Variants in NTM observed in about 807,000 individuals in gnomAD.
NTM encodes the protein neurotrimin, also known as IgLON family member 2.
A neutral mutation model predicts 42.1 loss-of-function variants in NTM; 13 were observed. The ratio of observed to expected loss-of-function variants is 0.31; its 90% CI spans 0.20 to 0.49. The LOEUF is 0.49. Ranked by LOEUF, NTM falls within the 20% of genes least tolerant of loss-of-function variation. The pLI is 0.99. For missense variants in NTM, 373 were observed against 452.8 expected (o/e 0.82, Z 1.60); for synonymous variants, 187 against 179.2 (o/e 1.04, Z -0.35).
chr11:131,915,896 T>C (rs111904961), intron 2 of NTM, among the ~76,000 whole-genome samples: 22 of 152,232 alleles, frequency 1.4e-4, no homozygotes, highest in African/African-American at 5.1e-4. Flanking sequence ...CCACAACACA[T>C]AGGAATTATG....
At chr11:131,699,340 T>G (rs1258192363) in intron 1 of NTM, among the ~76,000 whole-genome samples, 2 of 152,214 alleles carry the variant, frequency 1.3e-5, no homozygotes, top group African/African-American at 2.4e-5. Flanking sequence ...TAAAGAAAAC[T>G]ATCTCTGATA....
chr11:131,440,770 T>C (rs1362559308), intron 1 of NTM, among the ~76,000 whole-genome samples: 1 of 132,242 alleles, frequency 7.6e-6, no homozygotes, highest in Non-Finnish European at 1.5e-5. Flanking sequence ...ATACAGACTT[T>C]CAACAGTTGT....
At chr11:131,645,217 G>A (rs1327743853) in intron 1 of NTM, among the ~76,000 whole-genome samples, 6 of 152,204 alleles carry the variant, frequency 3.9e-5, no homozygotes, top group Admixed American at 3.3e-4. Flanking sequence ...AAGGTGATAA[G>A]AAAGCAGCAG....
chr11:132,062,985 C>T (rs2080913133), intron 2 of NTM, among the ~76,000 whole-genome samples: 2 of 152,046 alleles, frequency 1.3e-5, no homozygotes, highest in African/African-American at 2.4e-5. Flanking sequence ...TTTTTGGGCT[C>T]CTAGAGCAAA....
intron 1 of NTM, among the ~76,000 whole-genome samples, chr11:131,547,484 C>T (rs1435163508): frequency 3.3e-5 from 5 of 152,088 alleles, no homozygotes; most frequent in South Asian, 2.1e-4. Context: ...AGGCGCTAAC[C>T]GTGGGTGACA....
intron 1 of NTM, among the ~76,000 whole-genome samples, chr11:131,455,807 C>T (rs1172611267): frequency 2.0e-5 from 3 of 152,138 alleles, no homozygotes; most frequent in Non-Finnish European, 4.4e-5. Context: ...CTCAACTTGG[C>T]ACGTCACCTC....
intron 2 of NTM, among the ~76,000 whole-genome samples, chr11:131,940,578 G>A (rs982448028): frequency 6.6e-6 from 1 of 152,192 alleles, no homozygotes; most frequent in Non-Finnish European, 1.5e-5. Flanking sequence ...GTTAACCTGA[G>A]CTAGAGACTC....
chr11:131,554,282 A>G (rs1405111405), intron 1 of NTM, among the ~76,000 whole-genome samples: 1 of 152,218 alleles, frequency 6.6e-6, no homozygotes, highest in Non-Finnish European at 1.5e-5. Flanking sequence ...AACTTATTGA[A>G]CAAGCTGAAT....
intron 1 of NTM, among the ~76,000 whole-genome samples, chr11:131,668,684 G>C (rs1592453673): frequency 6.6e-6 from 1 of 152,172 alleles, no homozygotes; most frequent in Admixed American, 6.5e-5. Flanking sequence ...CCCTGTCATT[G>C]AACTCTGACT....
intron 1 of NTM, chr11:131,605,766 TA>T (rs1404894416): frequency 2.0e-6 from 2 of 983,192 alleles, no homozygotes; most frequent in Admixed American, 6.1e-5. Flanking sequence ...AAAAAATAAA[TA>T]AAGGTGCCCT....
At position 131,571,346 on chromosome 11, in the gene NTM, T is replaced by C. The variant is rs572124556; in HGVS notation, c.82+200458T>C. Among the ~76,000 whole-genome samples, 37 of 152,324 alleles carry C rather than the reference T, an allele frequency of 2.4e-4. No individual in the cohort carries two copies. The South Asian group carries it at 7.3e-3, about 30-fold the overall frequency. On this transcript the variant is annotated intron_variant, in intron 1 of 8. Transcript: ENST00000683400. ...AGCGCCGTACTTGACGATTTACATA[T>C]ATTAACACGAATCCCCAAAATCCTG...
At chr11:132,312,468 CTTTGG>C (rs2095308399) in intron 6 of NTM, 1 of 152,834 alleles carries the variant, frequency 6.5e-6, no homozygotes, top group Admixed American at 6.5e-5. Context: ...AAGTCCACAG[CTTTGG>C]TAAGAAACTG....
chr11:132,172,447 C>T (rs1423358683), intron 3 of NTM, among the ~76,000 whole-genome samples: 2 of 152,170 alleles, frequency 1.3e-5, no homozygotes, highest in Non-Finnish European at 2.9e-5. Flanking sequence ...TCAGAACCTA[C>T]AAGCCTTCTC....
chr11:131,666,866 A>G (rs925327020), intron 1 of NTM, among the ~76,000 whole-genome samples: 1 of 152,270 alleles, frequency 6.6e-6, no homozygotes, highest in Admixed American at 6.5e-5. Flanking sequence ...TGGGATCAAC[A>G]TTTCTGGAAG....
At chr11:131,546,142 G>T (rs1331692289) in intron 1 of NTM, among the ~76,000 whole-genome samples, 1 of 152,210 alleles carries the variant, frequency 6.6e-6, no homozygotes, top group Middle Eastern at 3.2e-3. Context: ...TTAGCAAGCA[G>T]AGAGATAGGA....
At chr11:132,316,707 T>G (rs949330413) in intron 7 of NTM, among the ~76,000 whole-genome samples, 1 of 152,186 alleles carries the variant, frequency 6.6e-6, no homozygotes, top group African/African-American at 2.4e-5. Flanking sequence ...CTAGCAATGC[T>G]GCCTGGGTAA....
At chr11:132,111,549 T>C (rs1039502377) in intron 2 of NTM, among the ~76,000 whole-genome samples, 1 of 152,186 alleles carries the variant, frequency 6.6e-6, no homozygotes, top group African/African-American at 2.4e-5. Flanking sequence ...CAATTCGTGA[T>C]GCTGCAGTCC....
chr11:131,883,776 T>C (rs2049927249), intron 1 of NTM, among the ~76,000 whole-genome samples: 1 of 152,130 alleles, frequency 6.6e-6, no homozygotes, highest in Non-Finnish European at 1.5e-5. Context: ...GGCAGGAGGC[T>C]GTAGTTGATT....
intron 1 of NTM, among the ~76,000 whole-genome samples, chr11:131,524,191 G>C (rs925529829): frequency 1.3e-5 from 2 of 152,184 alleles, no homozygotes; most frequent in Non-Finnish European, 2.9e-5. Context: ...AGACAGCTTC[G>C]CTCTCACGCC....
Sources: allele counts gnomAD v4.1 joint callset (sites outside exome capture counted in the v4.1 genomes callset), GRCh38; gene constraint gnomAD v4.1.1; transcripts MANE v1.5; gene names NCBI Gene and HGNC (gene_info 2026-07-23, HGNC 2026-07-21).